CDYL: variants seen among roughly 807,000 people sequenced by gnomAD.
CDYL encodes chromodomain Y like, also known as chromodomain Y-like protein.
Under a neutral mutation model 47.3 loss-of-function variants are expected in CDYL, and 8 were observed. The observed-to-expected ratio is 0.17, with a 90% confidence interval of 0.10 to 0.31. CDYL has a LOEUF of 0.31. CDYL is among the 10% of genes least tolerant of loss of function. CDYL has a pLI of 1.00. For synonymous variants in CDYL, 266 were observed against 265.0 expected (o/e 1.00, Z -0.04); for missense variants, 471 against 701.4 (o/e 0.67, Z 3.71).
intron 1 of CDYL, 50 bp from the exon 2 acceptor site, chr6:4,891,662 TC>T (rs770457472): frequency 6.9e-7 from 1 of 1,453,954 alleles, no homozygotes; most frequent in Non-Finnish European, 9.2e-7. Context: ...CTTGCACTTT[TC>T]CCCCCAAATT....
chr6:4,800,502 A>G (rs576298099), intron 1 of CDYL, among the ~76,000 whole-genome samples: 2 of 152,300 alleles, frequency 1.3e-5, no homozygotes, highest in Non-Finnish European at 2.9e-5. Flanking sequence ...TATTACATAT[A>G]TCCACATAAT....
intron 1 of CDYL, among the ~76,000 whole-genome samples, chr6:4,886,596 C>G (rs1351244696): frequency 6.6e-6 from 1 of 151,796 alleles, no homozygotes; most frequent in Admixed American, 6.6e-5. Flanking sequence ...AACTGTAAGA[C>G]TTTATATGTT....
chr6:4,821,311 T>TCGA (rs1009408650), intron 1 of CDYL, among the ~76,000 whole-genome samples: 1 of 126,070 alleles, frequency 7.9e-6, no homozygotes, highest in Non-Finnish European at 1.6e-5. Context: ...TCACTCTCAC[T>TCGA]CTGTCGCCCA....
chr6:4,891,515 T>C (rs1173209346), intron 1 of CDYL, among the ~76,000 whole-genome samples, 198 bp from the exon 2 acceptor site: 1 of 152,206 alleles, frequency 6.6e-6, no homozygotes, highest in Non-Finnish European at 1.5e-5. Context: ...AGCATAAAAA[T>C]TTAGCATCTT....
intron 1 of CDYL, among the ~76,000 whole-genome samples, chr6:4,857,250 C>G (rs930891646): frequency 6.6e-6 from 1 of 152,088 alleles, no homozygotes; most frequent in Non-Finnish European, 1.5e-5. Flanking sequence ...CACCAAACAT[C>G]GCCAGAACTT....
intron 1 of CDYL, among the ~76,000 whole-genome samples, chr6:4,842,088 AT>A (rs1244587846): frequency 7.0e-6 from 1 of 143,338 alleles, no homozygotes; most frequent in Non-Finnish European, 1.5e-5. Flanking sequence ...ATTATATATT[AT>A]TTATATCATA....
At chr6:4,855,918 G>C (rs371445327) in intron 1 of CDYL, among the ~76,000 whole-genome samples, 1 of 152,186 alleles carries the variant, frequency 6.6e-6, no homozygotes, top group African/African-American at 2.4e-5. Flanking sequence ...TCTCATGCTC[G>C]GACGTAGTTC....
At chr6:4,788,925 C>T (rs1043927478) in intron 1 of CDYL, among the ~76,000 whole-genome samples, 5 of 152,056 alleles carry the variant, frequency 3.3e-5, no homozygotes, top group Non-Finnish European at 7.4e-5. Context: ...CAGCCTCTGG[C>T]CCTGTCCCTC....
At chr6:4,749,789 T>G (rs1757959142) in intron 3 of CDYL, among the ~76,000 whole-genome samples, 1 of 152,228 alleles carries the variant, frequency 6.6e-6, no homozygotes, top group Non-Finnish European at 1.5e-5. Flanking sequence ...GTGACTATTC[T>G]TGCAGATAAG....
intron 1 of CDYL, among the ~76,000 whole-genome samples, chr6:4,816,214 C>T (rs893285293): frequency 2.9e-4 from 44 of 151,306 alleles, no homozygotes; most frequent in Non-Finnish European, 2.5e-4. Flanking sequence ...CTGTAGAGGA[C>T]GCACTGAGCA....
At chr6:4,939,889 A>G (rs17284610) in intron 4 of CDYL, among the ~76,000 whole-genome samples, 15,671 of 152,246 alleles carry the variant, frequency 0.1, 985 homozygotes, top group South Asian at 0.16. Context: ...CTCTGCGGTC[A>G]TAAGAAAATC....
At chr6:4,776,831 G>A (rs1758468695) in intron 1 of CDYL, 24 bp downstream of exon 1, 1 of 849,660 alleles carries the variant, frequency 1.2e-6, no homozygotes, top group South Asian at 4.5e-5. Context: ...CCCCGGCCTC[G>A]GGCCGCCCCC....
At position 4,706,658 on chromosome 6, in the gene CDYL, G is replaced by A. The variant is rs145795093; in HGVS notation, c.-39+407G>A. 8.7e-3 allele frequency among the ~76,000 whole-genome samples: 1,327 copies of A among 152,162 alleles called. 10 individuals carry two copies. The highest frequency in any genetic ancestry group is 0.024 in the Middle Eastern group (7 of 294). On this transcript the variant is annotated intron_variant, in intron 1 of 8. Transcript: ENST00000328908. ...ACAAAAATTAGCCAGGTGTGGTGGT[G>A]CGCGCCTGTAATTCCAGTTACTCTG...
Position 4,935,512 on chromosome 6 carries a change from C to A in CDYL, c.692-3C>A. 2.5e-6 allele frequency: 4 copies of A among 1,613,360 alleles called. No individual in the cohort carries two copies. Among genetic ancestry groups the A allele is most frequent in the Non-Finnish European group, 3.4e-6 (4 of 1,179,310 alleles). ...GACTACTGTGATTTCAAACTCTCGG[C>A]AGGTACATCTCCGTTCATGGATGCA... On this transcript the variant is annotated splice_region_variant and splice_polypyrimidine_tract_variant and intron_variant, in intron 2 of 6. Transcript: ENST00000397588.
chr6:4,788,469 T>G (rs1172059109), intron 1 of CDYL, among the ~76,000 whole-genome samples: 1 of 90,008 alleles, frequency 1.1e-5, no homozygotes, highest in African/African-American at 4.8e-5. Context: ...GGTGACAGAG[T>G]GAGACTCTGT....
At chr6:4,888,433 AGTT>A (rs1199390217) in intron 1 of CDYL, among the ~76,000 whole-genome samples, 1 of 152,066 alleles carries the variant, frequency 6.6e-6, no homozygotes, top group Non-Finnish European at 1.5e-5. Flanking sequence ...ATTGGCATAT[AGTT>A]GTTCATAGTA....
At chr6:4,761,453 C>G (rs1171746849) in intron 3 of CDYL, among the ~76,000 whole-genome samples, 1 of 152,194 alleles carries the variant, frequency 6.6e-6, no homozygotes, top group African/African-American at 2.4e-5. Context: ...AATCTATTCT[C>G]CTGCCTCAGC....
intron 2 of CDYL, among the ~76,000 whole-genome samples, chr6:4,922,677 A>G (rs1228313278): frequency 6.6e-6 from 1 of 152,216 alleles, no homozygotes; most frequent in Non-Finnish European, 1.5e-5. Flanking sequence ...TGTGTTAATT[A>G]CCTGGACTTG....
At chr6:4,735,906 G>A (rs12110757) in intron 3 of CDYL, among the ~76,000 whole-genome samples, 1 of 3,908 alleles carries the variant, frequency 2.6e-4, no homozygotes, top group Non-Finnish European at 2.4e-3. Flanking sequence ...TGCACGTGAT[G>A]GGGGGGGGTG....
Sources: gnomAD v4.1 joint callset for allele counts (sites outside exome capture counted in the v4.1 genomes callset) on GRCh38, gnomAD v4.1.1 for gene constraint, MANE v1.5 for transcripts, NCBI Gene and HGNC (gene_info 2026-07-23, HGNC 2026-07-21) for gene names.